ERC2: variants seen among roughly 807,000 people sequenced by gnomAD.
ERC2 encodes ELKS/RAB6-interacting/CAST family member 2.
A neutral mutation model predicts 114.8 loss-of-function variants in ERC2; 42 were observed. The observed-to-expected ratio is 0.37, with a 90% CI of 0.29 to 0.47. ERC2 has a LOEUF of 0.47. Among genes scored for constraint, ERC2 ranks in the 20% least tolerant of loss-of-function variants. ERC2 has a pLI of 0.99. For missense variants in ERC2, 939 were observed against 1,150.7 expected, an observed-to-expected ratio of 0.82 and a Z score of 2.66; for synonymous variants, 454 against 425.5, an observed-to-expected ratio of 1.07 and a Z score of -0.82.
intron 7 of ERC2, among the ~76,000 whole-genome samples, chr3:56,029,058 A>AT (rs1453796678): frequency 6.6e-6 from 1 of 151,932 alleles, no homozygotes; most frequent in Non-Finnish European, 1.5e-5. Context: ...TAATTAACAC[A>AT]TTTTTTTCAT....
intron 2 of ERC2, among the ~76,000 whole-genome samples, chr3:56,336,389 G>A (rs2057849257): frequency 6.6e-6 from 1 of 152,182 alleles, no homozygotes; most frequent in African/African-American, 2.4e-5. Flanking sequence ...GACCTTGCTG[G>A]GAAGACATTC....
chr3:56,410,460 C>T (rs1439995899), intron 2 of ERC2, among the ~76,000 whole-genome samples: 1 of 152,190 alleles, frequency 6.6e-6, no homozygotes, highest in Non-Finnish European at 1.5e-5. Flanking sequence ...TGCCAAATGA[C>T]GTGCTAAGCA....
At chr3:55,958,960 G>A (rs1290504288) in intron 12 of ERC2, among the ~76,000 whole-genome samples, 1 of 152,098 alleles carries the variant, frequency 6.6e-6, no homozygotes, top group Non-Finnish European at 1.5e-5. Flanking sequence ...TAAGGGGCAG[G>A]GCTCCAGCCT....
intron 7 of ERC2, chr3:56,072,061 C>T (rs1014937579): frequency 1.3e-5 from 2 of 152,232 alleles, no homozygotes; most frequent in African/African-American, 4.8e-5. Context: ...AGCACTAGAA[C>T]CCTTGGCATC....
At chr3:55,609,827 G>T (rs1172470322) in intron 17 of ERC2, among the ~76,000 whole-genome samples, 2 of 151,700 alleles carry the variant, frequency 1.3e-5, no homozygotes, top group African/African-American at 4.8e-5. Context: ...TAACTTTTTG[G>T]TCCTCTGCTT....
intron 17 of ERC2, among the ~76,000 whole-genome samples, chr3:55,527,352 T>G (rs2053393093): frequency 1.3e-5 from 2 of 152,302 alleles, no homozygotes; most frequent in East Asian, 3.9e-4. Flanking sequence ...TCAATAAATA[T>G]TAGTCAATAT....
intron 17 of ERC2, among the ~76,000 whole-genome samples, chr3:55,586,839 G>A (rs929934274): frequency 6.6e-6 from 1 of 152,078 alleles, no homozygotes; most frequent in African/African-American, 2.4e-5. Context: ...AAACACTTAT[G>A]TAGCCACCAT....
chr3:55,722,459 T>A (rs761684875), intron 15 of ERC2, among the ~76,000 whole-genome samples: 9 of 152,184 alleles, frequency 5.9e-5, no homozygotes. Flanking sequence ...GGGCAGGGTA[T>A]CTGTGGAACA....
intron 7 of ERC2, among the ~76,000 whole-genome samples, chr3:56,047,048 C>G (rs1023446635): frequency 6.6e-5 from 10 of 152,182 alleles, no homozygotes; most frequent in Non-Finnish European, 1.3e-4. Flanking sequence ...ACCCGGGCTT[C>G]TTTTCCCAAT....
At chr3:55,877,548 G>C (rs138859194) in intron 14 of ERC2, among the ~76,000 whole-genome samples, 4 of 135,410 alleles carry the variant, frequency 3.0e-5, no homozygotes, top group African/African-American at 1.1e-4. Flanking sequence ...GTCTCACTCT[G>C]TCACTCAGGC....
chr3:55,667,650 A>T (rs1216722814), intron 17 of ERC2, among the ~76,000 whole-genome samples: 1 of 152,194 alleles, frequency 6.6e-6, no homozygotes, highest in Non-Finnish European at 1.5e-5. Flanking sequence ...GCCTCTCCTA[A>T]GCAATTACAC....
At chr3:56,027,283 G>A (rs187168618) in intron 7 of ERC2, among the ~76,000 whole-genome samples, 12 of 152,258 alleles carry the variant, frequency 7.9e-5, no homozygotes, top group Admixed American at 5.9e-4. Context: ...ATTCAACTAC[G>A]GGTTTTATTT....
chr3:56,144,654 G>A (rs923556736), intron 5 of ERC2, among the ~76,000 whole-genome samples: 1 of 152,226 alleles, frequency 6.6e-6, no homozygotes, highest in Non-Finnish European at 1.5e-5. Context: ...GAAGGGCATG[G>A]CAGGGTCTAC....
intron 6 of ERC2, among the ~76,000 whole-genome samples, chr3:56,099,004 G>C (rs958203553): frequency 3.9e-5 from 6 of 152,198 alleles, no homozygotes; most frequent in Non-Finnish European, 8.8e-5. Context: ...TTTGGATAAA[G>C]TGTCTTTCAA....
At chr3:56,100,169 G>C (rs1319746013) in intron 6 of ERC2, among the ~76,000 whole-genome samples, 1 of 152,032 alleles carries the variant, frequency 6.6e-6, no homozygotes, top group Non-Finnish European at 1.5e-5. Context: ...TTAATATCCT[G>C]GGGAACATAC....
chr3:55,705,594 C>T (rs1488245822), intron 15 of ERC2, among the ~76,000 whole-genome samples: 1 of 151,100 alleles, frequency 6.6e-6, no homozygotes, highest in Middle Eastern at 3.4e-3. Flanking sequence ...GGGCCAGGCT[C>T]TTGGCATCTG....
intron 2 of ERC2, among the ~76,000 whole-genome samples, chr3:56,425,945 A>T (rs1252177512): frequency 6.6e-6 from 1 of 152,110 alleles, no homozygotes; most frequent in African/African-American, 2.4e-5. Flanking sequence ...ACGTCTCTGG[A>T]CTTGTCTATT....
In ERC2 at chr3:55,766,273, G is replaced by GAA. The variant is rs35962584; in HGVS notation, c.2565-31357_2565-31356dup. On this transcript the variant is annotated intron_variant, in intron 14 of 17. Transcript: ENST00000288221. ...ACACAACTCTTGGTTCTCTCCACAAGAAAAAAAAAAAAAAAAAGGATCAAG... is the reference window on the plus strand; with the variant it reads ...ACACAACTCTTGGTTCTCTCCACAAGAAAAAAAAAAAAAAAAAAAGGATCAAG... Among the ~76,000 whole-genome samples, 443 of 95,140 alleles carry GAA rather than the reference G, an allele frequency of 4.7e-3. 5 individuals are homozygous for GAA. The highest frequency in any genetic ancestry group is 0.014 in the African/African-American group (421 of 29,550). 62.4% of individuals were successfully genotyped at this position (95,140 alleles called of 152,430 possible). A position where few individuals can be genotyped will look rare whatever the true frequency, so the allele number is the denominator to read the frequency against.
intron 17 of ERC2, among the ~76,000 whole-genome samples, chr3:55,656,108 T>G (rs564025806): frequency 6.6e-6 from 1 of 152,018 alleles, no homozygotes; most frequent in South Asian, 2.1e-4. Flanking sequence ...CTTTATTTAT[T>G]TATTTATTTA....
Sources: allele counts gnomAD v4.1 joint callset (sites outside exome capture counted in the v4.1 genomes callset), GRCh38; gene constraint gnomAD v4.1.1; transcripts MANE v1.5; gene names NCBI Gene and HGNC (gene_info 2026-07-23, HGNC 2026-07-21).